The following WWOX variants were observed in gnomAD, a reference collection of about 807,000 sequenced individuals.
WWOX encodes WW domain containing oxidoreductase, also known as WW domain-containing oxidoreductase.
WWOX carries 69 observed loss-of-function variants against 46.2 expected under a neutral mutation model. That is an observed-to-expected ratio of 1.49 (90% confidence interval 1.23 to 1.82). The LOEUF (loss-of-function observed/expected upper bound fraction) is 1.82. Ranked by LOEUF, WWOX falls within the 40% of genes most tolerant of loss-of-function variation. The pLI is 0.00. For missense variants in WWOX, 919 were observed against 542.6 expected (o/e 1.69, Z -6.89); for synonymous variants, 359 against 202.6 (o/e 1.77, Z -6.56).
chr16:78,440,142 A>G (rs1227334756), intron 8 of WWOX, among the ~76,000 whole-genome samples: 2 of 152,186 alleles, frequency 1.3e-5, no homozygotes, highest in Non-Finnish European at 2.9e-5. Flanking sequence ...TGACACAGGC[A>G]CTGTTGAATA....
intron 8 of WWOX, among the ~76,000 whole-genome samples, chr16:78,846,119 G>C (rs538658908): frequency 1.3e-5 from 2 of 152,134 alleles, no homozygotes; most frequent in African/African-American, 4.8e-5. Flanking sequence ...GGGAAAGGTT[G>C]GTTGGTTGGT....
intron 4 of WWOX, among the ~76,000 whole-genome samples, chr16:78,160,480 C>G (rs1320988516): frequency 6.6e-6 from 1 of 152,130 alleles, no homozygotes; most frequent in African/African-American, 2.4e-5. Flanking sequence ...ATGGCTTTAG[C>G]TATACTCCTT....
At chr16:78,108,537 A>G in intron 2 of WWOX, 50 bp downstream of exon 2, 1 of 1,599,862 alleles carries the variant, frequency 6.3e-7, no homozygotes, top group Non-Finnish European at 8.6e-7. Context: ...TAAGTAGATG[A>G]GGAAATGTCA....
chr16:78,623,579 C>G (rs1305885541), intron 8 of WWOX, among the ~76,000 whole-genome samples: 6 of 151,958 alleles, frequency 3.9e-5, no homozygotes, highest in Admixed American at 3.9e-4. Context: ...ACTTGAGAGG[C>G]TGAGGGATGA....
chr16:78,727,716 G>A (rs189802914), intron 8 of WWOX, among the ~76,000 whole-genome samples: 528 of 152,240 alleles, frequency 3.5e-3, no homozygotes, highest in African/African-American at 0.012. Context: ...GTAGTGCTGT[G>A]TGGGGAGGAC....
At chr16:78,228,579 C>A (rs113309320) in intron 5 of WWOX, among the ~76,000 whole-genome samples, 7 of 152,030 alleles carry the variant, frequency 4.6e-5, no homozygotes, top group Admixed American at 1.3e-4. Flanking sequence ...CGGGCTCAAG[C>A]GATCCTCCCA....
chr16:78,600,715 C>T (rs764468389), intron 8 of WWOX, among the ~76,000 whole-genome samples: 1 of 152,154 alleles, frequency 6.6e-6, no homozygotes, highest in Admixed American at 6.5e-5. Flanking sequence ...GACAATAGGG[C>T]CATGAAAGCA....
intron 8 of WWOX, among the ~76,000 whole-genome samples, chr16:78,878,817 C>G (rs1248896154): frequency 1.4e-5 from 2 of 146,326 alleles, no homozygotes; most frequent in Admixed American, 1.4e-4. Flanking sequence ...GAAGCTGAGG[C>G]AGGAGAATCC....
intron 8 of WWOX, among the ~76,000 whole-genome samples, chr16:78,437,896 A>G (rs1246587545): frequency 6.6e-6 from 1 of 152,224 alleles, no homozygotes; most frequent in Admixed American, 6.5e-5. Flanking sequence ...ACCTGCACGC[A>G]TTAATGTGTA....
At chr16:78,895,828 A>G (rs2044689163) in intron 8 of WWOX, 1 of 152,220 alleles carries the variant, frequency 6.6e-6, no homozygotes, top group Admixed American at 6.5e-5. Flanking sequence ...ACAGTATCCG[A>G]CTATATAAAG....
intron 5 of WWOX, among the ~76,000 whole-genome samples, chr16:78,330,887 A>C (rs933811881): frequency 6.6e-6 from 1 of 152,224 alleles, no homozygotes; most frequent in African/African-American, 2.4e-5. Flanking sequence ...GATGATATGC[A>C]TGTTCTTATT....
At chr16:79,038,190 C>T (rs1442518360) in intron 8 of WWOX, among the ~76,000 whole-genome samples, 1 of 152,054 alleles carries the variant, frequency 6.6e-6, no homozygotes, top group African/African-American at 2.4e-5. Flanking sequence ...TTTTTGTCAG[C>T]TCACACCCTG....
At chr16:78,440,270 C>T (rs957091022) in intron 8 of WWOX, among the ~76,000 whole-genome samples, 5 of 152,142 alleles carry the variant, frequency 3.3e-5, no homozygotes, top group African/African-American at 1.2e-4. Flanking sequence ...TTCCCCGGTC[C>T]CCATCCACTT....
intron 8 of WWOX, among the ~76,000 whole-genome samples, chr16:78,960,562 T>G (rs74324950): frequency 6.2e-4 from 95 of 152,302 alleles, no homozygotes; most frequent in Middle Eastern, 3.4e-3. Context: ...AGAGCAGGTA[T>G]TTATTGAGTT....
chr16:79,173,536 C>G (rs993724764), intron 8 of WWOX, among the ~76,000 whole-genome samples: 2 of 151,996 alleles, frequency 1.3e-5, no homozygotes, highest in African/African-American at 4.8e-5. Flanking sequence ...CTTGATAAGT[C>G]TTCAGCCACA....
chr16:78,897,768 A>G (rs1273154993), intron 8 of WWOX: 5 of 146,468 alleles, frequency 3.4e-5, no homozygotes, highest in Non-Finnish European at 7.4e-5. Context: ...AAGTAATTGT[A>G]TCATTTTAAC....
intron 8 of WWOX, among the ~76,000 whole-genome samples, chr16:78,477,788 T>C (rs533387265): frequency 1.3e-5 from 2 of 152,280 alleles, no homozygotes; most frequent in East Asian, 1.9e-4. Flanking sequence ...GAGAGAATTA[T>C]GAATTCAAGT....
chr16:78,585,843 C>A (rs1285216012), intron 8 of WWOX, among the ~76,000 whole-genome samples: 1 of 152,000 alleles, frequency 6.6e-6, no homozygotes, highest in African/African-American at 2.4e-5. Flanking sequence ...TATTAGAACT[C>A]ACCTTCTGGA....
chr16:79,111,656 T>G (rs552881037), intron 8 of WWOX, among the ~76,000 whole-genome samples: 1 of 152,104 alleles, frequency 6.6e-6, no homozygotes, highest in African/African-American at 2.4e-5. Context: ...AAAAGGGCAG[T>G]AGGTAATTCT....
Sources: gnomAD v4.1 joint callset for allele counts (sites outside exome capture counted in the v4.1 genomes callset) on GRCh38, gnomAD v4.1.1 for gene constraint, MANE v1.5 for transcripts, NCBI Gene and HGNC (gene_info 2026-07-23, HGNC 2026-07-21) for gene names.